KIF1B: variants seen among roughly 807,000 people sequenced by gnomAD.
The protein encoded by KIF1B is kinesin-like protein KIF1B.
KIF1B carries 76 observed loss-of-function variants against 241.9 expected under a neutral mutation model. The observed-to-expected ratio is 0.31, with a 90% CI of 0.26 to 0.38. The LOEUF (loss-of-function observed/expected upper bound fraction) is 0.38. KIF1B is among the 10% of genes least tolerant of loss of function. KIF1B has a pLI of 1.00. For missense variants in KIF1B, 1,622 were observed against 2,271.4 expected, an observed-to-expected ratio of 0.71 and a Z score of 5.81; for synonymous variants, 750 against 796.7, an observed-to-expected ratio of 0.94 and a Z score of 0.99.
intron 1 of KIF1B, among the ~76,000 whole-genome samples, chr1:10,222,533 A>C (rs1348209832): frequency 6.6e-6 from 1 of 152,142 alleles, no homozygotes; most frequent in Admixed American, 6.5e-5. Flanking sequence ...ACAAACACAA[A>C]CCAACCAAAA....
At chr1:10,268,584 A>C (rs1648598607) in intron 7 of KIF1B, among the ~76,000 whole-genome samples, 1 of 150,436 alleles carries the variant, frequency 6.6e-6, no homozygotes, top group Non-Finnish European at 1.5e-5. Context: ...TCTTGACTGA[A>C]CCTTTTTATT....
chr1:10,245,543 C>T (rs1647198450), intron 2 of KIF1B, among the ~76,000 whole-genome samples: 1 of 152,044 alleles, frequency 6.6e-6, no homozygotes, highest in South Asian at 2.1e-4. Context: ...GGAAAAGATA[C>T]AAAAGTTGTA....
intron 1 of KIF1B, among the ~76,000 whole-genome samples, chr1:10,222,262 T>C (rs138451799): frequency 2.0e-5 from 3 of 152,286 alleles, no homozygotes; most frequent in Non-Finnish European, 4.4e-5. Context: ...GAACTTGTAA[T>C]AGGTTGAGAA....
chr1:10,323,814 A>C (rs1187182507), intron 24 of KIF1B, 70 bp from the exon 25 acceptor site: 1 of 1,276,226 alleles, frequency 7.8e-7, no homozygotes, highest in East Asian at 2.3e-5. Context: ...ATTGGGTATG[A>C]TTGTATCGTC....
chr1:10,347,956 T>G, intron 36 of KIF1B, 129 bp downstream of exon 36: 1 of 764,970 alleles, frequency 1.3e-6, no homozygotes, highest in Non-Finnish European at 2.1e-6. Flanking sequence ...TGTCCTGTTG[T>G]CATTTTTTTT....
chr1:10,342,039 C>T lies in KIF1B; in HGVS notation c.3514-11C>T. 3 of 1,507,596 alleles carry T rather than the reference C, an allele frequency of 2.0e-6. No homozygotes were observed. The highest frequency in any genetic ancestry group is 4.5e-5 in the East Asian group (2 of 44,328). 93.4% of individuals were successfully genotyped at this position (1,507,596 alleles called of 1,614,324 possible). A position where few individuals can be genotyped will look rare whatever the true frequency, so the allele number is the denominator to read the frequency against. On this transcript the variant is annotated splice_polypyrimidine_tract_variant and intron_variant, in intron 32 of 48. Transcript: ENST00000676179. ...TTCTTGTAATCTTTTCCTAATCTTG[C>T]TTGGCTTTAGATTGCAGTGGAGATC... is the stretch of plus-strand genomic sequence containing the variant.
At chr1:10,282,987 C>T (rs1367485881) in intron 15 of KIF1B, among the ~76,000 whole-genome samples, 1 of 151,934 alleles carries the variant, frequency 6.6e-6, no homozygotes, top group East Asian at 1.9e-4. Context: ...CGGGGTGGAT[C>T]ACGAGGTCAG....
rs577525739 is a variant in KIF1B at position 10,360,423 on chromosome 1, G to C, written c.4056-506G>C. Among the ~76,000 whole-genome samples the C allele has an allele frequency of 3.9e-5, 6 of 152,130 alleles. No homozygotes were observed. In the East Asian group the frequency reaches 1.2e-3, roughly 29 times the overall value. The stretch of plus-strand genomic sequence containing the variant: ...CAACTGGCCAGGCACAGTGGTTCAC[G>C]CCTGTAATCCCAGCACTTTGGGAGG... On this transcript the variant is annotated intron_variant, in intron 38 of 48. Transcript: ENST00000676179.
intron 15 of KIF1B, among the ~76,000 whole-genome samples, chr1:10,284,993 C>T (rs1649619106): frequency 6.6e-6 from 1 of 152,186 alleles, no homozygotes; most frequent in Non-Finnish European, 1.5e-5. Flanking sequence ...ATGTTGTAGG[C>T]TGCAGGGTAA....
chr1:10,338,118 C>T (rs767412624), intron 31 of KIF1B, among the ~76,000 whole-genome samples: 10 of 152,014 alleles, frequency 6.6e-5, no homozygotes, highest in Non-Finnish European at 1.2e-4. Context: ...TGTGAATCTT[C>T]AGTTTTAATA....
chr1:10,272,990 T>C (rs1169563784), intron 9 of KIF1B, 24 bp from the exon 10 acceptor site: 1 of 1,539,528 alleles, frequency 6.5e-7, no homozygotes, highest in East Asian at 2.4e-5. Context: ...TCTTATTTTC[T>C]CCTTTAAATG....
chr1:10,305,653 C>A (rs1557702996), intron 22 of KIF1B: 2 of 1,056,636 alleles, frequency 1.9e-6, no homozygotes, highest in Non-Finnish European at 1.1e-6. Context: ...ATAAACTATT[C>A]TTTGGTTAGC....
Position 10,321,713 on chromosome 1 carries a change from T to G in KIF1B, c.2214T>G (p.Pro738=). Residue 738 remains proline, a synonymous_variant, in exon 24 of 49, where the codon CCT becomes CCG. Transcript: ENST00000676179. ...TEEEEEEEEV[P]WTQHEFELAQ... Reference sequence around the variant, plus strand: ...ATGCATCATTCATTCTTTCAGTTCCTTGGACACAGCATGAATTTGAGTTGG... The same window carrying G: ...ATGCATCATTCATTCTTTCAGTTCCGTGGACACAGCATGAATTTGAGTTGG... 6.2e-7 allele frequency: 1 copy of G among 1,614,096 alleles called. No individual in the cohort carries two copies. The highest frequency in any genetic ancestry group is 8.5e-7 in the Non-Finnish European group (1 of 1,179,922).
chr1:10,310,457 A>G (rs143500687), intron 22 of KIF1B, among the ~76,000 whole-genome samples: 15 of 151,684 alleles, frequency 9.9e-5, no homozygotes, highest in African/African-American at 3.7e-4. Context: ...TTTTTGTGAA[A>G]CTGTTCAACT....
intron 11 of KIF1B, 150 bp downstream of exon 11, chr1:10,275,653 A>T: frequency 4.3e-6 from 3 of 696,992 alleles, no homozygotes; most frequent in Non-Finnish European, 7.8e-6. Flanking sequence ...TTTTACTCCT[A>T]ATTTCAGTTG....
intron 15 of KIF1B, among the ~76,000 whole-genome samples, chr1:10,287,358 G>A (rs911682374): frequency 6.6e-6 from 1 of 152,048 alleles, no homozygotes; most frequent in Non-Finnish European, 1.5e-5. Context: ...CACTGTGCCC[G>A]GCTAATTTTC....
At chr1:10,331,872 T>A (rs940266478) in intron 27 of KIF1B, among the ~76,000 whole-genome samples, 2 of 152,226 alleles carry the variant, frequency 1.3e-5, no homozygotes, top group Non-Finnish European at 1.5e-5. Context: ...ATTGCTTTTT[T>A]AAAAAAGTAG....
chr1:10,374,903 A>C lies in KIF1B; in HGVS notation c.5146A>C (p.Ser1716Arg). 6.2e-7 allele frequency: 1 copy of C among 1,614,180 alleles called. No individual in the cohort carries two copies. The highest frequency in any genetic ancestry group is 1.7e-5 in the Admixed American group (1 of 60,010). The change falls in exon 47 of 49, where the codon AGT becomes CGT. Residue 1716 changes from serine to arginine, a missense_variant. Physicochemically the swap from Ser to Arg is moderately radical, Grantham distance 110. Around this residue, in one of 7 missense-constraint regions of KIF1B, gnomAD observed 357 missense variants for 409.0 expected, o/e 0.87. Transcript: ENST00000676179. This position sits in a 1 kb window ranked among gnomAD's most constrained non-coding sequence, Gnocchi z 4.3. ...CCTTCATTTCAAGGAGCCTCTTTAC[A>C]GTAACTGGGCTAAACATTTTGTTGT... ...GYLHFKEPLY[S>R]NWAKHFVVVR...
chr1:10,264,986 T>A (rs1648369828), intron 5 of KIF1B, among the ~76,000 whole-genome samples: 1 of 151,732 alleles, frequency 6.6e-6, no homozygotes, highest in Non-Finnish European at 1.5e-5. Context: ...TCTTTTTTTT[T>A]AAGACAAGGT....
Sources: gnomAD v4.1 joint callset for allele counts (sites outside exome capture counted in the v4.1 genomes callset) on GRCh38, gnomAD v4.1.1 for gene constraint, gnomAD v4.1.1 regional missense constraint, Gnocchi (gnomAD v3.1) non-coding constraint, MANE v1.5 for transcripts, NCBI Gene and HGNC (gene_info 2026-07-23, HGNC 2026-07-21) for gene names.